The following CLUL1 variants were observed in gnomAD, a reference collection of about 807,000 sequenced individuals.
CLUL1 encodes the protein clusterin like 1.
A neutral mutation model predicts 49.4 loss-of-function variants in CLUL1; 43 were observed. The ratio of observed to expected loss-of-function variants is 0.87; its 90% CI spans 0.68 to 1.12. The LOEUF (loss-of-function observed/expected upper bound fraction) is 1.12, where lower values mean the gene tolerates loss of function less well. CLUL1 is among the 50% of genes most tolerant of loss of function. CLUL1 has a pLI of 0.00. For missense variants in CLUL1, 486 were observed against 544.4 expected (o/e 0.89, Z 1.07); for synonymous variants, 192 against 184.9 (o/e 1.04, Z -0.31).
At chr18:624,842 C>CTTTTTTT in intron 4 of CLUL1, 23 bp from the exon 5 acceptor site, 1 of 1,610,556 alleles carries the variant, frequency 6.2e-7, no homozygotes, top group South Asian at 1.1e-5. Flanking sequence ...GGAAATTGGA[C>CTTTTTTT]TTTTGTTTCT....
At chr18:622,902 G>A (rs2073539087) in intron 4 of CLUL1, among the ~76,000 whole-genome samples, 1 of 152,076 alleles carries the variant, frequency 6.6e-6, no homozygotes, top group South Asian at 2.1e-4. Flanking sequence ...ATTTGCCCAA[G>A]GGTACACAGC....
intron 2 of CLUL1, among the ~76,000 whole-genome samples, chr18:611,723 TC>T (rs1301412385): frequency 6.6e-6 from 1 of 152,172 alleles, no homozygotes; most frequent in Non-Finnish European, 1.5e-5. Context: ...AATCAGTTGC[TC>T]ATCCAATTCC....
At chr18:617,872 A>G (rs1714359453) in intron 2 of CLUL1, 116 bp from the exon 3 acceptor site, 1 of 785,536 alleles carries the variant, frequency 1.3e-6, no homozygotes, top group Non-Finnish European at 2.1e-6. Context: ...AGTTGTCTAA[A>G]GTCATAAGGA....
At chr18:617,867 T>G (rs1441077202) in intron 2 of CLUL1, 121 bp from the exon 3 acceptor site, 18 of 750,948 alleles carry the variant, frequency 2.4e-5, no homozygotes, top group Non-Finnish European at 4.0e-5. Context: ...GCATAAGTTG[T>G]CTAAAGTCAT....
At chr18:636,023 T>C (rs2074127777) in intron 7 of CLUL1, among the ~76,000 whole-genome samples, 1 of 152,104 alleles carries the variant, frequency 6.6e-6, no homozygotes, top group South Asian at 2.1e-4. Context: ...GTGTGAGCCA[T>C]CGCGCCTGGC....
intron 4 of CLUL1, 148 bp downstream of exon 4, chr18:619,509 T>C: frequency 1.3e-6 from 1 of 787,648 alleles, no homozygotes; most frequent in Non-Finnish European, 1.9e-6. Context: ...TAAGGGAAGC[T>C]TCAGATTTCC....
chr18:636,069 C>G (rs1293233049), intron 7 of CLUL1, among the ~76,000 whole-genome samples: 1 of 152,104 alleles, frequency 6.6e-6, no homozygotes. Flanking sequence ...ACATAATATC[C>G]TAAACATATT....
At chr18:619,143 A>G in intron 3 of CLUL1, 70 bp from the exon 4 acceptor site, 2 of 1,431,498 alleles carry the variant, frequency 1.4e-6, no homozygotes, top group Non-Finnish European at 1.9e-6. Context: ...TGGAGACATG[A>G]AAGGTTGGTG....
intron 1 of CLUL1, among the ~76,000 whole-genome samples, chr18:599,417 CATG>C (rs2072755666): frequency 6.6e-6 from 1 of 152,164 alleles, no homozygotes; most frequent in Admixed American, 6.5e-5. Context: ...AAATTTCTAA[CATG>C]GTGGTGCCTG....
chr18:598,799 C>T (rs1445263941), intron 1 of CLUL1, among the ~76,000 whole-genome samples: 1 of 152,048 alleles, frequency 6.6e-6, no homozygotes, highest in Non-Finnish European at 1.5e-5. Context: ...GGTTGCATTC[C>T]TTTTTCCGGA....
Position 605,876 on chromosome 18 carries a change from A to G in CLUL1, c.-135-1102A>G, listed in dbSNP as rs150158237. ...TTTTTTGTAGAGATGGGATTTTGCC[A>G]TGTTGCCTGAATGCCTGGCCTCAAG... On this transcript the variant is annotated intron_variant, in intron 1 of 9. Transcript: ENST00000692774. 3.4e-3 allele frequency among the ~76,000 whole-genome samples: 521 copies of G among 152,114 alleles called. 6 individuals carry two copies. Among genetic ancestry groups the G allele is most frequent in the African/African-American group, 0.012 (500 of 41,508 alleles).
intron 2 of CLUL1, 140 bp downstream of exon 2, chr18:607,239 T>G: frequency 1.7e-6 from 1 of 596,258 alleles, no homozygotes; most frequent in South Asian, 2.1e-5. Context: ...GGGTTTCTCT[T>G]GCCTCAGCCT....
intron 9 of CLUL1, among the ~76,000 whole-genome samples, chr18:649,399 A>G (rs764076848): frequency 5.9e-4 from 90 of 152,238 alleles, no homozygotes; most frequent in Non-Finnish European, 1.1e-3. Context: ...ATTGGTTTGC[A>G]ATGTGTTTTA....
intron 6 of CLUL1, among the ~76,000 whole-genome samples, chr18:632,746 ATAC>A (rs1249307415): frequency 6.6e-6 from 1 of 152,246 alleles, no homozygotes; most frequent in Non-Finnish European, 1.5e-5. Context: ...ATGTGTGTAT[ATAC>A]TACTAATAAA....
At chr18:645,814 T>A (rs1389113117) in intron 9 of CLUL1, among the ~76,000 whole-genome samples, 2,127 of 28,834 alleles carry the variant, frequency 0.074, 348 homozygotes, top group East Asian at 0.25. Flanking sequence ...AAAAAAAATA[T>A]ATATATATAT....
chr18:604,432 G>A (rs1326374302), intron 1 of CLUL1, among the ~76,000 whole-genome samples: 1 of 152,216 alleles, frequency 6.6e-6, no homozygotes, highest in African/African-American at 2.4e-5. Context: ...ATAGGATTTA[G>A]TGATCAGCTA....
intron 1 of CLUL1, among the ~76,000 whole-genome samples, chr18:604,725 G>C (rs887978602): frequency 1.3e-5 from 2 of 152,158 alleles, no homozygotes; most frequent in Non-Finnish European, 2.9e-5. Flanking sequence ...GGAAGAACTA[G>C]GTACCCTGAC....
At chr18:648,708 T>C (rs540566476) in intron 9 of CLUL1, among the ~76,000 whole-genome samples, 14 of 152,276 alleles carry the variant, frequency 9.2e-5, no homozygotes, top group Admixed American at 5.9e-4. Flanking sequence ...CCAGGCAGGA[T>C]TGCAGTGGCA....
intron 7 of CLUL1, among the ~76,000 whole-genome samples, chr18:637,347 G>C (rs939303775): frequency 4.6e-5 from 7 of 152,012 alleles, no homozygotes; most frequent in Non-Finnish European, 1.0e-4. Context: ...AGGAAGTCAG[G>C]TTACACGGGC....
Sources: gnomAD v4.1 joint callset for allele counts (sites outside exome capture counted in the v4.1 genomes callset) on GRCh38, gnomAD v4.1.1 for gene constraint, MANE v1.5 for transcripts, NCBI Gene and HGNC (gene_info 2026-07-23, HGNC 2026-07-21) for gene names.